Variants in NUBPL observed in about 807,000 individuals in gnomAD.
NUBPL encodes iron-sulfur cluster transfer protein NUBPL.
A neutral mutation model predicts 45.7 loss-of-function variants in NUBPL; 31 were observed. That is an observed-to-expected ratio of 0.68 (90% CI 0.51 to 0.92). NUBPL has a LOEUF of 0.92. Ranked by LOEUF, NUBPL falls within the 40% of genes least tolerant of loss-of-function variation. NUBPL has a pLI of 0.00. For synonymous variants in NUBPL, 144 were observed against 140.9 expected (o/e 1.02, Z -0.15); for missense variants, 401 against 398.7 (o/e 1.01, Z -0.05).
rs8017927 is a variant in NUBPL, at chr14:31,576,873, A to T, written c.291+11825A>T. Among the ~76,000 whole-genome samples the T allele has an allele frequency of 6.1e-3, 926 of 152,254 alleles. 9 individuals are homozygous for T. The highest frequency in any genetic ancestry group is 0.021 in the African/African-American group (867 of 41,556). Reference sequence around the variant, plus strand: ...GACATGAAGGCTTAGTTCAGGTAGGATTGTTGATTGCAGTGCTTTTGCATG... The same window carrying T: ...GACATGAAGGCTTAGTTCAGGTAGGTTTGTTGATTGCAGTGCTTTTGCATG... On this transcript the variant is annotated intron_variant, in intron 3 of 10. Transcript: ENST00000281081.
intron 2 of NUBPL, among the ~76,000 whole-genome samples, chr14:31,564,530 T>C (rs955259123): frequency 1.6e-5 from 2 of 126,262 alleles, no homozygotes. Context: ...AAAAAAAAAA[T>C]GAGCTGGGTG....
intron 10 of NUBPL, among the ~76,000 whole-genome samples, chr14:31,853,501 G>C (rs1432169495): frequency 6.6e-6 from 1 of 152,158 alleles, no homozygotes; most frequent in Non-Finnish European, 1.5e-5. Context: ...AGCACCAGGT[G>C]TTAGGGCTCT....
chr14:31,641,246 G>C (rs2035688919), intron 4 of NUBPL, among the ~76,000 whole-genome samples: 1 of 152,096 alleles, frequency 6.6e-6, no homozygotes, highest in South Asian at 2.1e-4. Flanking sequence ...CACCGCGCCT[G>C]GCCAATCTTA....
chr14:31,704,009 C>T (rs2037393735), intron 6 of NUBPL, among the ~76,000 whole-genome samples: 1 of 152,210 alleles, frequency 6.6e-6, no homozygotes, highest in Non-Finnish European at 1.5e-5. Flanking sequence ...TCCTGCCTTG[C>T]TCATGCCGGT....
At chr14:31,645,780 C>T (rs1215791968) in intron 4 of NUBPL, among the ~76,000 whole-genome samples, 3 of 135,336 alleles carry the variant, frequency 2.2e-5, no homozygotes, top group East Asian at 2.5e-4. Context: ...TTACACCCCC[C>T]CCCCCACATT....
At chr14:31,833,586 A>T (rs1288712621) in intron 8 of NUBPL, among the ~76,000 whole-genome samples, 1 of 152,216 alleles carries the variant, frequency 6.6e-6, no homozygotes, top group Admixed American at 6.5e-5. Flanking sequence ...TAATGATACA[A>T]ATACAATGGC....
In NUBPL at chr14:31,638,018, C is replaced by A. The variant is rs183203563; in HGVS notation, c.383-35337C>A. On this transcript the variant is annotated intron_variant, in intron 4 of 10. Coordinates refer to ENST00000281081, the MANE Select transcript of NUBPL (RefSeq NM_025152.3). ...AGATGGATTTCCTGAATACAGCACA[C>A]GGATGGGTCTTGACTCTTTATCCAA... 2.2e-3 allele frequency among the ~76,000 whole-genome samples: 339 copies of A among 152,272 alleles called. 1 individual carries two copies. The highest frequency in any genetic ancestry group is 7.1e-3 in the African/African-American group (295 of 41,556).
chr14:31,781,627 T>C (rs985127124), intron 6 of NUBPL, among the ~76,000 whole-genome samples: 1 of 152,238 alleles, frequency 6.6e-6, no homozygotes, highest in African/African-American at 2.4e-5. Context: ...TAAGACACTC[T>C]TGTTATTTTA....
intron 4 of NUBPL, among the ~76,000 whole-genome samples, chr14:31,635,365 A>G (rs1337851374): frequency 2.6e-5 from 4 of 151,826 alleles, no homozygotes; most frequent in African/African-American, 4.8e-5. Context: ...CCCATTGCTT[A>G]TTTTTCTCAG....
intron 4 of NUBPL, among the ~76,000 whole-genome samples, chr14:31,648,130 A>G (rs902430708): frequency 3.9e-5 from 6 of 152,350 alleles, no homozygotes; most frequent in Non-Finnish European, 8.8e-5. Context: ...GCTTTGTGAT[A>G]TTGAACAAGA....
chr14:31,645,137 C>A (rs1042756458), intron 4 of NUBPL, among the ~76,000 whole-genome samples: 1 of 150,168 alleles, frequency 6.7e-6, no homozygotes, highest in African/African-American at 2.4e-5. Flanking sequence ...GCAATCTTGG[C>A]TCACTGCAAG....
intron 7 of NUBPL, among the ~76,000 whole-genome samples, chr14:31,790,731 G>C (rs1342687998): frequency 6.6e-6 from 1 of 152,010 alleles, no homozygotes; most frequent in East Asian, 1.9e-4. Flanking sequence ...GGCACCTGTA[G>C]TCCCAGCTAC....
chr14:31,728,977 T>C (rs184487472), intron 6 of NUBPL, among the ~76,000 whole-genome samples: 1 of 152,282 alleles, frequency 6.6e-6, no homozygotes, highest in Non-Finnish European at 1.5e-5. Flanking sequence ...AGTTTACTCA[T>C]TTATAATTAT....
chr14:31,649,216 G>A (rs1281281727), intron 4 of NUBPL, among the ~76,000 whole-genome samples: 1 of 152,178 alleles, frequency 6.6e-6, no homozygotes, highest in African/African-American at 2.4e-5. Context: ...GAACCTTTAA[G>A]ATAATTGGAT....
At chr14:31,767,708 T>G (rs541075868) in intron 6 of NUBPL, among the ~76,000 whole-genome samples, 2 of 112,194 alleles carry the variant, frequency 1.8e-5, no homozygotes, top group South Asian at 2.1e-4. Flanking sequence ...TTGTTTTGTG[T>G]TTTTTTTTGT....
chr14:31,657,505 A>G lies in NUBPL; in HGVS notation c.383-15850A>G, dbSNP rs115169680. On this transcript the variant is annotated intron_variant, in intron 4 of 10. Coordinates refer to ENST00000281081, the MANE Select transcript of NUBPL (RefSeq NM_025152.3). Reference sequence around the variant, plus strand: ...AAGCCAGTGTCTTGTCTTTGGCTGTACCTCTATTTATTTTCTATTTTTGTC... The same window carrying G: ...AAGCCAGTGTCTTGTCTTTGGCTGTGCCTCTATTTATTTTCTATTTTTGTC... 2.4e-3 allele frequency among the ~76,000 whole-genome samples: 371 copies of G among 152,254 alleles called. 3 individuals are homozygous for G. Among genetic ancestry groups the G allele is most frequent in the African/African-American group, 8.4e-3 (349 of 41,560 alleles).
chr14:31,689,011 TG>T lies in NUBPL; in HGVS notation c.513+15439del, dbSNP rs1047535119. Among the ~76,000 whole-genome samples, 15 of 151,942 alleles carry T rather than the reference TG, an allele frequency of 9.9e-5. No individual in the cohort carries two copies. In the East Asian group the frequency reaches 2.1e-3, roughly 22 times the overall value. The stretch of plus-strand genomic sequence containing the variant: ...GACCTGATCTCATTTTTTTTTTTTG[TG>T]GCTGCATTGTATTCCATGGTGTATA... On this transcript the variant is annotated intron_variant, in intron 6 of 10. Transcript: ENST00000281081.
Position 31,729,731 on chromosome 14 carries a change from C to CTAATATTA in NUBPL, c.513+56157_513+56158insTAATATTA, listed in dbSNP as rs1429543166. Among the ~76,000 whole-genome samples the CTAATATTA allele has an allele frequency of 6.6e-4, 101 of 152,058 alleles. 1 individual carries two copies. The highest frequency in any genetic ancestry group is 2.1e-3 in the African/African-American group (88 of 41,492). ...GTGTAAAAGTAATTGAAGTTTTTGC[C>CTAATATTA]ATTTTTTTAAAATGGCAAAACTACA... On this transcript the variant is annotated intron_variant, in intron 6 of 10. Transcript: ENST00000281081.
intron 7 of NUBPL, among the ~76,000 whole-genome samples, chr14:31,813,681 C>G (rs4981915): frequency 0.33 from 50,296 of 151,898 alleles, 9,626 homozygotes; most frequent in South Asian, 0.44. Context: ...TGCTATCTCT[C>G]CCCTGGCCCC....
Sources: allele counts gnomAD v4.1 joint callset (sites outside exome capture counted in the v4.1 genomes callset), GRCh38; gene constraint gnomAD v4.1.1; transcripts MANE v1.5; gene names NCBI Gene and HGNC (gene_info 2026-07-23, HGNC 2026-07-21).